The following LRTM1 variants were observed in gnomAD, a reference collection of about 807,000 sequenced individuals.
The protein encoded by LRTM1 is leucine-rich repeat and transmembrane domain-containing protein 1.
Under a neutral mutation model 32.4 loss-of-function variants are expected in LRTM1, and 38 were observed. The observed-to-expected ratio is 1.17, with a 90% CI of 0.91 to 1.54. The LOEUF is 1.54. Among genes scored for constraint, LRTM1 ranks in the 40% most tolerant of loss-of-function variants. The pLI is 0.00. For missense variants in LRTM1, 466 were observed against 415.4 expected (o/e 1.12, Z -1.06); for synonymous variants, 186 against 169.9 (o/e 1.09, Z -0.74).
At chr3:54,938,626 C>T (rs1486613033) in intron 1 of LRTM1, among the ~76,000 whole-genome samples, 1 of 151,614 alleles carries the variant, frequency 6.6e-6, no homozygotes, top group Admixed American at 6.6e-5. Flanking sequence ...GTTACCCCCA[C>T]CCCCAAATTA....
intron 1 of LRTM1, among the ~76,000 whole-genome samples, chr3:54,947,807 T>C (rs1701652435): frequency 6.6e-6 from 1 of 152,132 alleles, no homozygotes; most frequent in Non-Finnish European, 1.5e-5. Flanking sequence ...CATTGCAATG[T>C]TTGGGGATGT....
intron 2 of LRTM1, among the ~76,000 whole-genome samples, chr3:54,921,388 A>G (rs1044808393): frequency 6.6e-6 from 1 of 152,168 alleles, no homozygotes; most frequent in African/African-American, 2.4e-5. Flanking sequence ...TTAGCATAAT[A>G]CCTAGCTCAG....
At chr3:54,945,110 G>A (rs181434728) in intron 1 of LRTM1, among the ~76,000 whole-genome samples, 69 of 152,322 alleles carry the variant, frequency 4.5e-4, no homozygotes, top group African/African-American at 1.3e-3. Context: ...GAGCTGGGCA[G>A]GGAAAGGAAG....
intron 1 of LRTM1, among the ~76,000 whole-genome samples, chr3:54,965,419 G>A (rs919390204): frequency 6.6e-6 from 1 of 152,034 alleles, no homozygotes; most frequent in African/African-American, 2.4e-5. Flanking sequence ...ATCTTCCCTG[G>A]CTTCTTACTG....
chr3:54,952,035 G>A (rs548427638), intron 1 of LRTM1, among the ~76,000 whole-genome samples: 1 of 152,230 alleles, frequency 6.6e-6, no homozygotes, highest in African/African-American at 2.4e-5. Context: ...TTTTAGTAGA[G>A]ATGGCATTTC....
At chr3:54,946,649 GCTGGGTGCAAAC>G (rs368030869) in intron 1 of LRTM1, among the ~76,000 whole-genome samples, 69 of 152,220 alleles carry the variant, frequency 4.5e-4, no homozygotes, top group African/African-American at 1.6e-3. Context: ...TTTCATGGAA[GCTGGGTGCAAAC>G]CTGGGGGGAG....
At chr3:54,928,080 C>A (rs889187266), upstream of LRTM1, 2 of 647,498 alleles carry the variant, frequency 3.1e-6, no homozygotes, top group Admixed American at 4.9e-5. Flanking sequence ...TTCAAAAGAC[C>A]ATTTATTTAA....
intron 1 of LRTM1, among the ~76,000 whole-genome samples, chr3:54,926,203 T>C (rs1701012163): frequency 6.6e-6 from 1 of 152,156 alleles, no homozygotes; most frequent in South Asian, 2.1e-4. Context: ...AATAAACATA[T>C]AGCATGCATT....
chr3:54,953,798 C>A (rs980852121), intron 1 of LRTM1, among the ~76,000 whole-genome samples: 3 of 152,114 alleles, frequency 2.0e-5, no homozygotes, highest in Non-Finnish European at 2.9e-5. Context: ...GGGGGGTGCA[C>A]TGCAAGTCAG....
chr3:54,936,475 C>G (rs1185682931), intron 1 of LRTM1, among the ~76,000 whole-genome samples: 2 of 152,206 alleles, frequency 1.3e-5, no homozygotes, highest in African/African-American at 4.8e-5. Context: ...TATCATGCAA[C>G]TACCACTTTC....
chr3:54,919,532 G>A (rs1224728091), intron 2 of LRTM1, among the ~76,000 whole-genome samples: 1 of 152,136 alleles, frequency 6.6e-6, no homozygotes, highest in East Asian at 1.9e-4. Flanking sequence ...TTTCCAGTGG[G>A]TTATTAAACC....
At chr3:54,953,683 G>A (rs1701812612) in intron 1 of LRTM1, among the ~76,000 whole-genome samples, 1 of 152,244 alleles carries the variant, frequency 6.6e-6, no homozygotes, top group African/African-American at 2.4e-5. Context: ...TGAGGATTAA[G>A]CCATTGTGCT....
chr3:54,928,537 C>T (rs957635989), upstream of LRTM1, among the ~76,000 whole-genome samples: 12 of 152,242 alleles, frequency 7.9e-5, no homozygotes, highest in Non-Finnish European at 1.0e-4. Flanking sequence ...CTTTGGTCAT[C>T]GAAGTCTTAT....
rs967445076 is a variant in LRTM1 at position 54,933,526 on chromosome 3, C to T, written c.-221-8311G>A. On this transcript the variant is annotated intron_variant, in intron 1 of 2. Coordinates refer to the LRTM1 transcript ENST00000493075. The stretch of plus-strand genomic sequence containing the variant: ...TAAATCACATGACCATGTCTAACAG[C>T]AAGAGATGCTGGGAAATGTTGTCTA... 2.6e-5 allele frequency among the ~76,000 whole-genome samples: 4 copies of T among 152,276 alleles called. No individual in the cohort carries two copies. The East Asian group carries it at 5.8e-4, about 22-fold the overall frequency.
intron 1 of LRTM1, among the ~76,000 whole-genome samples, chr3:54,941,603 A>G (rs759658831): frequency 6.6e-6 from 1 of 152,160 alleles, no homozygotes; most frequent in Admixed American, 6.5e-5. Context: ...ACAATGCCCC[A>G]TATTGTTTTC....
chr3:54,923,737 C>G (rs1234978385), intron 2 of LRTM1, among the ~76,000 whole-genome samples: 3 of 152,026 alleles, frequency 2.0e-5, no homozygotes, highest in African/African-American at 7.2e-5. Context: ...GGGTCAAGAC[C>G]CAAAAGCCAT....
chr3:54,955,062 G>T (rs1701848654), intron 1 of LRTM1, among the ~76,000 whole-genome samples: 1 of 152,164 alleles, frequency 6.6e-6, no homozygotes, highest in Non-Finnish European at 1.5e-5. Context: ...ACTGACAAAA[G>T]ACCGATTAGT....
At chr3:54,963,992 C>A (rs1414676121) in intron 1 of LRTM1, among the ~76,000 whole-genome samples, 1 of 152,194 alleles carries the variant, frequency 6.6e-6, no homozygotes, top group Non-Finnish European at 1.5e-5. Context: ...AACAGTCACA[C>A]AGATAGTTCA....
At chr3:54,966,249 G>C (rs1702147293) in intron 1 of LRTM1, among the ~76,000 whole-genome samples, 2 of 152,264 alleles carry the variant, frequency 1.3e-5, no homozygotes, top group Admixed American at 1.3e-4. Context: ...CTACCCTGGA[G>C]TGACTCTTTC....
Sources: gnomAD v4.1 joint callset for allele counts (sites outside exome capture counted in the v4.1 genomes callset) on GRCh38, gnomAD v4.1.1 for gene constraint, MANE v1.5 for transcripts, NCBI Gene and HGNC (gene_info 2026-07-23, HGNC 2026-07-21) for gene names.